GPALPP1: variants seen among roughly 807,000 people sequenced by gnomAD.
The protein encoded by GPALPP1 is GPALPP motifs containing 1, also known as GPALPP motifs-containing protein 1.
GPALPP1 carries 30 observed loss-of-function variants against 38.9 expected under a neutral mutation model. That is an observed-to-expected ratio of 0.77 (90% CI 0.58 to 1.05). The LOEUF (loss-of-function observed/expected upper bound fraction) is 1.05. Ranked by LOEUF, GPALPP1 falls within the 50% of genes least tolerant of loss-of-function variation. GPALPP1 has a pLI of 0.00. For synonymous variants in GPALPP1, 120 were observed against 139.2 expected, an observed-to-expected ratio of 0.86 and a Z score of 0.97; for missense variants, 384 against 408.8, an observed-to-expected ratio of 0.94 and a Z score of 0.52.
intron 6 of GPALPP1, among the ~76,000 whole-genome samples, chr13:45,018,929 A>AT (rs370669400): frequency 1.4e-5 from 2 of 142,536 alleles, no homozygotes; most frequent in African/African-American, 2.6e-5. Flanking sequence ...ATAAATGTAT[A>AT]AATATATACA....
chr13:44,993,695 A>T (rs2137946373), intron 1 of GPALPP1, among the ~76,000 whole-genome samples: 1 of 152,000 alleles, frequency 6.6e-6, no homozygotes, highest in African/African-American at 2.4e-5. Flanking sequence ...AAAAAAAAAA[A>T]AATTTGAGGA....
chr13:45,015,508 C>G lies in GPALPP1; in HGVS notation c.617C>G (p.Pro206Arg). The G allele has an allele frequency of 6.2e-7, 1 of 1,608,502 alleles. No homozygotes were observed. The highest frequency in any genetic ancestry group is 8.5e-7 in the Non-Finnish European group (1 of 1,177,050). Residue 206 changes from proline to arginine, a missense_variant, in exon 6 of 8, where the codon CCA (proline) becomes CGA (arginine). Pro to Arg is a moderately radical substitution (Grantham distance 103). Coordinates refer to ENST00000379151, the MANE Select transcript of GPALPP1 (RefSeq NM_018559.5). ...PPEMKDFGLG[P>R]RTFKRRADDT... is the part of the protein sequence containing the mutation. Reference sequence around the variant, plus strand: ...GAAATGAAAGACTTTGGTCTTGGGCCAAGGACTTTTAAGAGAAGAGCTGAT... The same window carrying G: ...GAAATGAAAGACTTTGGTCTTGGGCGAAGGACTTTTAAGAGAAGAGCTGAT...
chr13:45,019,519 GT>G (rs973419434), intron 6 of GPALPP1, among the ~76,000 whole-genome samples: 43 of 151,314 alleles, frequency 2.8e-4, no homozygotes, highest in Admixed American at 5.9e-4. Context: ...AGTTCCAGGA[GT>G]TTTTTTAGTA....
intron 1 of GPALPP1, among the ~76,000 whole-genome samples, chr13:44,999,640 C>T (rs193070088): frequency 2.0e-5 from 3 of 152,124 alleles, no homozygotes; most frequent in Admixed American, 6.5e-5. Context: ...AGTGCAGTGG[C>T]GTGATCTTGG....
At chr13:45,006,716 A>G (rs1204343435) in intron 3 of GPALPP1, among the ~76,000 whole-genome samples, 2 of 152,126 alleles carry the variant, frequency 1.3e-5, no homozygotes, top group African/African-American at 4.8e-5. Flanking sequence ...ATGTTAGACA[A>G]TTGGACTAAC....
Position 45,016,432 on chromosome 13 carries a change from C to T in GPALPP1, c.705+836C>T, listed in dbSNP as rs1874872723. ...TTGCGCCGCTGCACTCCAGCCTGGG[C>T]AACAGAGCGAGACTCCATCTCAAAA... On this transcript the variant is annotated intron_variant, in intron 6 of 7. Transcript: ENST00000379151. 2.6e-5 allele frequency among the ~76,000 whole-genome samples: 4 copies of T among 151,508 alleles called. No homozygotes were observed. In the South Asian group the frequency reaches 8.3e-4, roughly 32 times the overall value.
intron 1 of GPALPP1, among the ~76,000 whole-genome samples, chr13:44,998,138 G>A (rs752100477): frequency 6.6e-5 from 10 of 152,164 alleles, no homozygotes; most frequent in Admixed American, 2.0e-4. Flanking sequence ...TTCTGTTACT[G>A]TATCTAAAAA....
At chr13:45,002,480 G>A (rs1193580771) in intron 1 of GPALPP1, 1 of 152,264 alleles carries the variant, frequency 6.6e-6, no homozygotes, top group African/African-American at 2.4e-5. Flanking sequence ...GAAAGGGAAA[G>A]AGAAGTCCAA....
intron 6 of GPALPP1, among the ~76,000 whole-genome samples, chr13:45,019,883 T>TA (rs1216280994): frequency 7.3e-6 from 1 of 136,632 alleles, no homozygotes; most frequent in East Asian, 2.1e-4. Flanking sequence ...ATTTTGATTT[T>TA]TTTTTTTTTT....
At position 44,989,795 on chromosome 13, in the gene GPALPP1, C is replaced by T. The variant is rs878944105; in HGVS notation, c.88+53C>T. ...CAGGCCCATCTACCCACTCCCTGGCCGGGCCCTGCTCGCTGAAGAAAGTCG... is the reference window on the plus strand; with the variant it reads ...CAGGCCCATCTACCCACTCCCTGGCTGGGCCCTGCTCGCTGAAGAAAGTCG... On this transcript the variant is annotated intron_variant, in intron 1 of 7. Coordinates refer to ENST00000379151, the MANE Select transcript of GPALPP1 (RefSeq NM_018559.5). 112 of 1,375,732 alleles carry T rather than the reference C, an allele frequency of 8.1e-5. 1 individual carries two copies. Among genetic ancestry groups the T allele is most frequent in the South Asian group, 5.7e-4 (49 of 85,334 alleles). The allele number at this position is 1,375,732 out of a possible 1,614,324, so 85.2% of individuals were successfully genotyped here. A position where few individuals can be genotyped will look rare whatever the true frequency, so the allele number is the denominator to read the frequency against.
chr13:45,003,713 C>G (rs973055270), intron 1 of GPALPP1, among the ~76,000 whole-genome samples: 1 of 152,128 alleles, frequency 6.6e-6, no homozygotes, highest in Admixed American at 6.5e-5. Context: ...AAGACCCTTA[C>G]CACTCTCCCT....
At chr13:45,011,344 A>T (rs143008415) in intron 4 of GPALPP1, among the ~76,000 whole-genome samples, 223 of 152,358 alleles carry the variant, frequency 1.5e-3, no homozygotes, top group African/African-American at 5.2e-3. Flanking sequence ...AAATCAGAAT[A>T]GTAGTTGTAT....
chr13:45,020,434 T>A lies in GPALPP1; in HGVS notation c.804+6T>A, dbSNP rs753044983. 7.2e-6 allele frequency: 8 copies of A among 1,108,240 alleles called. No individual in the cohort carries two copies. The highest frequency in any genetic ancestry group is 1.1e-5 in the Non-Finnish European group (8 of 720,536). 68.7% of individuals were successfully genotyped at this position (1,108,240 alleles called of 1,614,324 possible). On this transcript the variant is annotated splice_donor_region_variant and intron_variant, in intron 7 of 7. Transcript: ENST00000379151. ...AGCAGGTATCTTCATACAATGTAAG[T>A]AAGAAAATAAGATATATAGAGCCAG...
intron 2 of GPALPP1, 81 bp from the exon 3 acceptor site, chr13:45,006,121 C>G (rs1218387229): frequency 6.8e-6 from 5 of 740,266 alleles, no homozygotes; most frequent in Non-Finnish European, 1.1e-5. Context: ...AGATTTAATG[C>G]TTTTTTAAAA....
intron 1 of GPALPP1, among the ~76,000 whole-genome samples, chr13:45,003,184 A>C (rs964914219): frequency 6.6e-6 from 1 of 152,218 alleles, no homozygotes; most frequent in Non-Finnish European, 1.5e-5. Context: ...TAGGCAAGTC[A>C]CTTAACAATT....
chr13:44,993,157 G>GTA (rs1350803177), intron 1 of GPALPP1, among the ~76,000 whole-genome samples: 1 of 152,152 alleles, frequency 6.6e-6, no homozygotes, highest in East Asian at 1.9e-4. Context: ...TTCCGTGTAT[G>GTA]TATATACTGT....
downstream of GPALPP1, chr13:45,032,035 A>G (rs1876221562): frequency 6.6e-6 from 1 of 152,222 alleles, no homozygotes; most frequent in Non-Finnish European, 1.5e-5. Context: ...TTGAAATTAT[A>G]TGATTTTTGT....
chr13:45,003,606 A>T (rs570989953), intron 1 of GPALPP1, among the ~76,000 whole-genome samples: 5 of 152,324 alleles, frequency 3.3e-5, no homozygotes, highest in African/African-American at 1.2e-4. Flanking sequence ...GTGTGACATC[A>T]TCAGTGACAT....
chr13:45,006,404 A>C (rs1874107319), intron 3 of GPALPP1, 101 bp downstream of exon 3: 1 of 604,708 alleles, frequency 1.7e-6, no homozygotes, highest in African/African-American at 1.9e-5. Flanking sequence ...TTTAACTGAA[A>C]TATTTATATA....
Sources: gnomAD v4.1 joint callset for allele counts (sites outside exome capture counted in the v4.1 genomes callset) on GRCh38, gnomAD v4.1.1 for gene constraint, MANE v1.5 for transcripts, NCBI Gene and HGNC (gene_info 2026-07-23, HGNC 2026-07-21) for gene names.